NDUFA11: variants seen among roughly 807,000 people sequenced by gnomAD.
NDUFA11 encodes the protein NADH dehydrogenase [ubiquinone] 1 alpha subcomplex subunit 11.
NDUFA11 carries 14 observed loss-of-function variants against 11.3 expected under a neutral mutation model. That is an observed-to-expected ratio of 1.24 (90% confidence interval 0.82 to 1.94). The LOEUF is 1.94. Ranked by LOEUF, NDUFA11 falls within the 30% of genes most tolerant of loss-of-function variation. The pLI is 0.00. For missense variants in NDUFA11, 204 were observed against 200.3 expected (o/e 1.02, Z -0.11); for synonymous variants, 87 against 85.6 (o/e 1.02, Z -0.09).
downstream of NDUFA11, chr19:5,892,875 G>C: frequency 7.1e-7 from 1 of 1,409,414 alleles, no homozygotes; most frequent in Non-Finnish European, 9.2e-7. Context: ...GAAAGCTGAG[G>C]CCTGGGTGCT....
At position 5,896,732 on chromosome 19, in the gene NDUFA11, G is replaced by T; in HGVS notation, c.191-157C>A. The T allele has an allele frequency of 8.0e-7, 1 of 1,250,672 alleles. No individual in the cohort carries two copies. Among genetic ancestry groups the T allele is most frequent in the Non-Finnish European group, 1.1e-6 (1 of 872,906 alleles). 77.5% of individuals were successfully genotyped at this position (1,250,672 alleles called of 1,614,324 possible). A position where few individuals can be genotyped will look rare whatever the true frequency, so the allele number is the denominator to read the frequency against. On this transcript the variant is annotated intron_variant, in intron 2 of 3. Coordinates refer to ENST00000308961, the MANE Select transcript of NDUFA11 (RefSeq NM_175614.5). This position sits in a 1 kb window ranked among gnomAD's most constrained non-coding sequence, Gnocchi z 5.8. Reference sequence around the variant, plus strand: ...CCCCAGTCCTGGAGCTGTTCTCCTGGGCCTCCCCACCCTACATGTATTCCT... The same window carrying T: ...CCCCAGTCCTGGAGCTGTTCTCCTGTGCCTCCCCACCCTACATGTATTCCT...
Position 5,896,620 on chromosome 19 carries a change from CAGGAGCCTCT to C in NDUFA11, c.191-55_191-46del, listed in dbSNP as rs1226921715. 1.9e-6 allele frequency: 3 copies of C among 1,553,930 alleles called. No individual in the cohort carries two copies. In the African/African-American group the frequency reaches 4.1e-5, roughly 21 times the overall value. ...AGCAAGGGCCTCGAGACGGGCACAG[CAGGAGCCTCT>C]TGGGCGCTCACTGCCAGTGTCTGGA... On this transcript the variant is annotated intron_variant, in intron 2 of 3. Coordinates refer to ENST00000308961, the MANE Select transcript of NDUFA11 (RefSeq NM_175614.5). The surrounding 1 kb of genome is among the most constrained non-coding windows in gnomAD (Gnocchi z 5.8).
chr19:5,893,962 C>T (rs140812682), downstream of NDUFA11, among the ~76,000 whole-genome samples: 256 of 152,300 alleles, frequency 1.7e-3, 1 homozygote, highest in Non-Finnish European at 2.6e-3. The surrounding 1 kb of genome is among the most constrained non-coding windows in gnomAD (Gnocchi z 4.1). Flanking sequence ...TGCAGCCCAC[C>T]GCAGCATGTG....
intron 1 of NDUFA11, 32 bp from the exon 2 acceptor site, chr19:5,897,029 C>G: frequency 6.4e-7 from 1 of 1,567,668 alleles, no homozygotes; most frequent in Non-Finnish European, 8.8e-7. Flanking sequence ...CTGTTCAGAC[C>G]CCACTGCTGC....
intron 1 of NDUFA11, among the ~76,000 whole-genome samples, chr19:5,900,399 C>A (rs1010663399): frequency 1.3e-5 from 2 of 152,224 alleles, no homozygotes; most frequent in African/African-American, 4.8e-5. Flanking sequence ...TTCATTCATT[C>A]ATTCATCCAT....
intron 1 of NDUFA11, among the ~76,000 whole-genome samples, chr19:5,901,666 GTTTT>G (rs71927291): frequency 0.44 from 64,888 of 146,486 alleles, 14,625 homozygotes; most frequent in East Asian, 0.68. Flanking sequence ...GTTTCTTTGG[GTTTT>G]TTTTTTTTTT....
intron 1 of NDUFA11, among the ~76,000 whole-genome samples, chr19:5,900,264 A>AATTC (rs912918639): frequency 1.3e-5 from 2 of 152,172 alleles, no homozygotes; most frequent in South Asian, 2.1e-4. Context: ...ACCCAGTGTG[A>AATTC]ATTCATTCAT....
downstream of NDUFA11, among the ~76,000 whole-genome samples, chr19:5,893,851 C>A: frequency 6.6e-6 from 1 of 152,200 alleles, no homozygotes; most frequent in South Asian, 2.1e-4. The surrounding 1 kb of genome is among the most constrained non-coding windows in gnomAD (Gnocchi z 4.1). Flanking sequence ...CCAGCCCTGC[C>A]GGTTCCTGCT....
At chr19:5,898,008 G>C (rs747660926) in intron 1 of NDUFA11, among the ~76,000 whole-genome samples, 14 of 152,178 alleles carry the variant, frequency 9.2e-5, no homozygotes, top group Non-Finnish European at 1.9e-4. Flanking sequence ...TTGCAGGCAG[G>C]GACCTCCTCG....
chr19:5,895,185 G>A (rs1422734388), intron 3 of NDUFA11: 4 of 362,436 alleles, frequency 1.1e-5, no homozygotes, highest in African/African-American at 2.1e-5. Context: ...GTGACACATC[G>A]GTGTGTCTCA....
chr19:5,900,910 C>CAAAAAAA (rs1305134254), intron 1 of NDUFA11, among the ~76,000 whole-genome samples: 21 of 51,024 alleles, frequency 4.1e-4, no homozygotes, highest in East Asian at 1.2e-3. Context: ...GACTCCGTCT[C>CAAAAAAA]AAAAAAAAAA....
intron 1 of NDUFA11, among the ~76,000 whole-genome samples, chr19:5,899,474 T>TTTTTTA (rs2057631742): frequency 7.6e-6 from 1 of 131,700 alleles, no homozygotes; most frequent in South Asian, 2.6e-4. Flanking sequence ...TTTTTTTTTT[T>TTTTTTA]GAGACAGTCT....
At chr19:5,894,889 G>A (rs1362869844) in intron 3 of NDUFA11, 35 bp from the exon 4 acceptor site, 1 of 1,563,246 alleles carries the variant, frequency 6.4e-7, no homozygotes, top group African/African-American at 1.4e-5. Flanking sequence ...AGGCCCGGGT[G>A]GGGCTCGGCC....
Position 5,896,222 on chromosome 19 carries a change from T to C in NDUFA11, c.313+231A>G. On this transcript the variant is annotated intron_variant, in intron 3 of 3. Transcript: ENST00000308961. This position sits in a 1 kb window ranked among gnomAD's most constrained non-coding sequence, Gnocchi z 5.8. ...GGAGCAGTGAGGAGGCCCGTGTGGC[T>C]GGAGCAGAGTGAGGAGGGGAGGGTG... 3.6e-6 allele frequency: 2 copies of C among 562,156 alleles called. No individual in the cohort carries two copies. The highest frequency in any genetic ancestry group is 6.1e-6 in the Non-Finnish European group (2 of 328,372). 34.8% of individuals were successfully genotyped at this position (562,156 alleles called of 1,614,324 possible). A position where few individuals can be genotyped will look rare whatever the true frequency, so the allele number is the denominator to read the frequency against.
downstream of NDUFA11, chr19:5,893,236 C>T (rs1459445850): frequency 1.3e-6 from 2 of 1,524,696 alleles, no homozygotes; most frequent in Admixed American, 2.0e-5. This position sits in a 1 kb window ranked among gnomAD's most constrained non-coding sequence, Gnocchi z 4.1. Flanking sequence ...GGTGTGAGGA[C>T]TGCTCGAGGC....
At chr19:5,903,372 T>C (rs370032959) in intron 1 of NDUFA11, among the ~76,000 whole-genome samples, 9 of 152,252 alleles carry the variant, frequency 5.9e-5, no homozygotes, top group South Asian at 2.1e-4. Flanking sequence ...CCGCCTCAGA[T>C]GACCCCAGGG....
intron 1 of NDUFA11, among the ~76,000 whole-genome samples, chr19:5,900,739 G>A (rs368371724): frequency 1.3e-4 from 20 of 152,196 alleles, no homozygotes; most frequent in Non-Finnish European, 2.1e-4. Context: ...CCAACATGGC[G>A]AAACCTTGTC....
At position 5,895,339 on chromosome 19, in the gene NDUFA11, C is replaced by G. The variant is rs183638798; in HGVS notation, c.314-485G>C. ...GCCAGAGGAGGAAGGAGGTGTGTCC[C>G]CACACACCAGGACCTAAAGGGACTC... is the stretch of plus-strand genomic sequence containing the variant. On this transcript the variant is annotated intron_variant, in intron 3 of 3. Coordinates refer to ENST00000308961, the MANE Select transcript of NDUFA11 (RefSeq NM_175614.5). 1.5e-4 allele frequency: 26 copies of G among 170,810 alleles called. 1 individual carries two copies. The Middle Eastern group carries it at 0.011, about 72-fold the overall frequency. The allele number at this position is 170,810 out of a possible 1,614,324, so 10.6% of individuals were successfully genotyped here.
downstream of NDUFA11, chr19:5,892,371 C>T (rs1678867): frequency 0.69 from 106,771 of 155,366 alleles, 36,990 homozygotes; most frequent in Admixed American, 0.8. Context: ...CCTGGAGGGC[C>T]GGGGAAGGGC....
Sources: gnomAD v4.1 joint callset for allele counts (sites outside exome capture counted in the v4.1 genomes callset) on GRCh38, gnomAD v4.1.1 for gene constraint, Gnocchi (gnomAD v3.1) non-coding constraint, MANE v1.5 for transcripts, NCBI Gene and HGNC (gene_info 2026-07-23, HGNC 2026-07-21) for gene names.